Variants in MARCHF1 observed in about 807,000 individuals in gnomAD.
MARCHF1 encodes E3 ubiquitin-protein ligase MARCHF1.
MARCHF1 carries 40 observed loss-of-function variants against 54.2 expected under a neutral mutation model. The ratio of observed to expected loss-of-function variants is 0.74; its 90% CI spans 0.57 to 0.96. The LOEUF (loss-of-function observed/expected upper bound fraction) is 0.96, where lower values mean the gene tolerates loss of function less well. MARCHF1 is among the 40% of genes least tolerant of loss of function. MARCHF1 has a pLI of 0.00. For missense variants in MARCHF1, 586 were observed against 656.5 expected, an observed-to-expected ratio of 0.89 and a Z score of 1.17; for synonymous variants, 236 against 236.3, an observed-to-expected ratio of 1.00 and a Z score of 0.01.
intron 1 of MARCHF1, among the ~76,000 whole-genome samples, chr4:164,368,985 A>G (rs1730956600): frequency 6.6e-6 from 1 of 152,224 alleles, no homozygotes; most frequent in South Asian, 2.1e-4. Context: ...CAGAGGGAGA[A>G]GCTGAACTGT....
chr4:163,539,943 G>T (rs1389757300), intron 9 of MARCHF1, among the ~76,000 whole-genome samples: 1 of 152,004 alleles, frequency 6.6e-6, no homozygotes, highest in African/African-American at 2.4e-5. Flanking sequence ...ATTTCCTTTG[G>T]TAATAGAATG....
At chr4:164,153,970 C>T (rs1730009891) in intron 1 of MARCHF1, among the ~76,000 whole-genome samples, 1 of 152,140 alleles carries the variant, frequency 6.6e-6, no homozygotes, top group Admixed American at 6.5e-5. Flanking sequence ...AGAGAAGTGT[C>T]ATTGCTCTAT....
intron 2 of MARCHF1, among the ~76,000 whole-genome samples, chr4:164,067,609 A>T (rs890821158): frequency 3.3e-5 from 5 of 152,312 alleles, no homozygotes; most frequent in South Asian, 2.1e-4. Context: ...TAAATGTAAG[A>T]CCTCAAACTA....
At position 163,524,796 on chromosome 4, in the gene MARCHF1, CAT is replaced by C. The variant is rs375085877; in HGVS notation, c.*3950_*3951del. On this transcript the variant is annotated 3_prime_UTR_variant, in exon 10 of 10. Transcript: ENST00000514618. Reference sequence around the variant, plus strand: ...CTTTTTCTTAATTTGCTTTAGTACACATGATTCACAAAACAGTAAATTGTTAA... The same window carrying C: ...CTTTTTCTTAATTTGCTTTAGTACACGATTCACAAAACAGTAAATTGTTAA... The C allele has an allele frequency of 1.4e-4, 22 of 152,260 alleles. No homozygotes were observed. In the East Asian group the frequency reaches 3.5e-3, roughly 24 times the overall value. The allele number at this position is 152,260 out of a possible 1,614,324, so 9.4% of individuals were successfully genotyped here. A position where few individuals can be genotyped will look rare whatever the true frequency, so the allele number is the denominator to read the frequency against.
At chr4:164,052,269 T>G (rs1187850266) in intron 2 of MARCHF1, among the ~76,000 whole-genome samples, 1 of 8,696 alleles carries the variant, frequency 1.1e-4, no homozygotes, top group African/African-American at 3.0e-4. Context: ...ACGCCTGTAA[T>G]CCTGTAATCC....
chr4:164,174,807 C>G (rs1035775647), intron 1 of MARCHF1, among the ~76,000 whole-genome samples: 1 of 152,092 alleles, frequency 6.6e-6, no homozygotes, highest in East Asian at 1.9e-4. Flanking sequence ...ACCACAAAAA[C>G]GAATTCTGGT....
chr4:164,078,858 A>T (rs919668788), intron 2 of MARCHF1, among the ~76,000 whole-genome samples: 1 of 152,184 alleles, frequency 6.6e-6, no homozygotes, highest in African/African-American at 2.4e-5. Flanking sequence ...AACATGGCAC[A>T]TGTATACATA....
intron 9 of MARCHF1, among the ~76,000 whole-genome samples, chr4:163,532,922 GCA>G (rs1738401839): frequency 2.0e-5 from 3 of 151,948 alleles, no homozygotes; most frequent in African/African-American, 7.2e-5. Flanking sequence ...TGATAGGTAT[GCA>G]AAATGGTACA....
chr4:163,816,691 G>A (rs915988645), intron 4 of MARCHF1, among the ~76,000 whole-genome samples: 3 of 152,050 alleles, frequency 2.0e-5, no homozygotes, highest in Non-Finnish European at 2.9e-5. Context: ...ACAGAGGGGG[G>A]CACTGAATCA....
At chr4:163,681,583 G>A (rs777526227) in intron 5 of MARCHF1, among the ~76,000 whole-genome samples, 2 of 152,152 alleles carry the variant, frequency 1.3e-5, no homozygotes, top group African/African-American at 2.4e-5. Flanking sequence ...ATGATAGTGA[G>A]TACTCATGAG....
intron 3 of MARCHF1, among the ~76,000 whole-genome samples, chr4:163,865,051 C>G: frequency 6.6e-6 from 1 of 151,900 alleles, no homozygotes. Flanking sequence ...CCACTCCCGT[C>G]TCTCTTTAAA....
rs540829375 is a variant in MARCHF1, at chr4:163,993,199, T to A, written c.-247-4490A>T. Among the ~76,000 whole-genome samples, 12 of 151,526 alleles carry A rather than the reference T, an allele frequency of 7.9e-5. No individual in the cohort carries two copies. The South Asian group carries it at 2.5e-3, about 31-fold the overall frequency. ...GCTTAGTGGAAATAATGAGAGGGAG[T>A]ATAAAACGGAAAAATAATTAACATT... On this transcript the variant is annotated intron_variant, in intron 2 of 9. Transcript: ENST00000514618.
chr4:164,160,896 A>G (rs186809324), intron 1 of MARCHF1, among the ~76,000 whole-genome samples: 1 of 152,348 alleles, frequency 6.6e-6, no homozygotes, highest in East Asian at 1.9e-4. Flanking sequence ...AGATTCAATA[A>G]GAGTAAACTT....
intron 2 of MARCHF1, among the ~76,000 whole-genome samples, chr4:164,108,772 C>G (rs750153580): frequency 6.6e-6 from 1 of 151,976 alleles, no homozygotes. Context: ...AGAGTTATTT[C>G]TAAGCTAAAA....
At chr4:163,923,530 T>C (rs1751475417) in intron 3 of MARCHF1, among the ~76,000 whole-genome samples, 1 of 152,090 alleles carries the variant, frequency 6.6e-6, no homozygotes, top group African/African-American at 2.4e-5. Flanking sequence ...TATTACAGGC[T>C]AGTTATGATA....
chr4:164,095,824 T>C (rs547614008), intron 2 of MARCHF1, among the ~76,000 whole-genome samples: 3 of 152,122 alleles, frequency 2.0e-5, no homozygotes, highest in African/African-American at 7.2e-5. Context: ...AAATAATCAG[T>C]ATCACTAATC....
At chr4:163,798,566 G>T (rs1171373897) in intron 4 of MARCHF1, among the ~76,000 whole-genome samples, 2 of 152,114 alleles carry the variant, frequency 1.3e-5, no homozygotes, top group Non-Finnish European at 2.9e-5. Context: ...TTCTAATCAA[G>T]CAAGTTCATC....
chr4:163,794,488 T>C (rs1457439200), intron 4 of MARCHF1, among the ~76,000 whole-genome samples: 1 of 152,186 alleles, frequency 6.6e-6, no homozygotes, highest in Non-Finnish European at 1.5e-5. Context: ...AATAGGACAG[T>C]AATTCTCTAA....
At chr4:164,036,635 A>G (rs1754009902) in intron 2 of MARCHF1, among the ~76,000 whole-genome samples, 1 of 152,216 alleles carries the variant, frequency 6.6e-6, no homozygotes. Context: ...AATCATTCTC[A>G]ACAAGTGATG....
Sources: allele counts gnomAD v4.1 joint callset (sites outside exome capture counted in the v4.1 genomes callset), GRCh38; gene constraint gnomAD v4.1.1; transcripts MANE v1.5; gene names NCBI Gene and HGNC (gene_info 2026-07-23, HGNC 2026-07-21).